PSG3: variants seen among roughly 807,000 people sequenced by gnomAD.
The protein encoded by PSG3 is pregnancy specific beta-1-glycoprotein 3, also known as pregnancy-specific beta-1-glycoprotein 3.
In PSG3, 61 loss-of-function variants were observed where a neutral mutation model predicts 47.5. The ratio of observed to expected loss-of-function variants is 1.28; its 90% CI spans 1.05 to 1.59. The LOEUF is 1.59. PSG3 is among the 40% of genes most tolerant of loss of function. The pLI, the probability that PSG3 is intolerant of heterozygous loss-of-function variation, is 0.00. For missense variants in PSG3, 756 were observed against 524.0 expected (o/e 1.44, Z -4.32); for synonymous variants, 263 against 198.4 (o/e 1.33, Z -2.74).
At chr19:42,724,630 T>C (rs1969347492) in intron 5 of PSG3, among the ~76,000 whole-genome samples, 1 of 152,152 alleles carries the variant, frequency 6.6e-6, no homozygotes, top group Non-Finnish European at 1.5e-5. Context: ...TCTTTCTTTT[T>C]CACAGGAATC....
At chr19:42,731,446 G>C (rs1488580350) in intron 3 of PSG3, among the ~76,000 whole-genome samples, 2 of 152,090 alleles carry the variant, frequency 1.3e-5, no homozygotes, top group African/African-American at 2.4e-5. Context: ...TTTCTAGCTT[G>C]GTGATTAGTT....
At chr19:42,740,249 G>A in intron 1 of PSG3, 72 bp downstream of exon 1, 1 of 1,612,366 alleles carries the variant, frequency 6.2e-7, no homozygotes, top group East Asian at 2.2e-5. Flanking sequence ...AACCCCAGGA[G>A]TCTCTCCAGG....
intron 5 of PSG3, among the ~76,000 whole-genome samples, chr19:42,726,823 A>G (rs1969385443): frequency 6.6e-6 from 1 of 152,220 alleles, no homozygotes; most frequent in African/African-American, 2.4e-5. Flanking sequence ...CTCTAAATAG[A>G]CACACAGCTT....
rs1386001825 is a variant in PSG3, at chr19:42,723,935, A to T, written c.*40+7T>A. The T allele has an allele frequency of 1.3e-6, 2 of 1,564,854 alleles. No individual in the cohort carries two copies. Among genetic ancestry groups the T allele is most frequent in the South Asian group, 1.1e-5 (1 of 90,068 alleles). On this transcript the variant is annotated splice_region_variant and intron_variant, in intron 6 of 6. Transcript: ENST00000327495. ...AGGAACCAGGATAAGAGGAAAGGTCATCATACCTGCCAGTCTTCCTGAAAT... is the reference window on the plus strand; with the variant it reads ...AGGAACCAGGATAAGAGGAAAGGTCTTCATACCTGCCAGTCTTCCTGAAAT...
At chr19:42,729,565 C>G (rs909535118) in intron 4 of PSG3, among the ~76,000 whole-genome samples, 188 bp from the exon 5 acceptor site, 1 of 152,202 alleles carries the variant, frequency 6.6e-6, no homozygotes, top group Non-Finnish European at 1.5e-5. Flanking sequence ...CTGTGGGCCC[C>G]AAGTCTCCCA....
At chr19:42,736,254 G>C (rs955423554) in intron 2 of PSG3, among the ~76,000 whole-genome samples, 4 of 152,186 alleles carry the variant, frequency 2.6e-5, no homozygotes, top group African/African-American at 9.7e-5. Flanking sequence ...TGCTCCTATA[G>C]ATAACATCAC....
intron 5 of PSG3, among the ~76,000 whole-genome samples, chr19:42,725,217 A>G (rs1177511827): frequency 2.6e-5 from 4 of 152,198 alleles, no homozygotes; most frequent in Non-Finnish European, 4.4e-5. Context: ...GTATGAAGAA[A>G]GCACTCTTAT....
rs1312780428 is a variant in PSG3 at position 42,731,972 on chromosome 19, G to A, written c.709+812C>T. 4.0e-5 allele frequency: 6 copies of A among 151,694 alleles called. No homozygotes were observed. In the East Asian group the frequency reaches 1.2e-3, roughly 29 times the overall value. The allele number at this position is 151,694 out of a possible 1,614,324, so 9.4% of individuals were successfully genotyped here. ...AAGAATGATCTAGAAAGAGTGAAGG[G>A]GACAGGCAAAAGCTGGTGGTTTTGG... On this transcript the variant is annotated intron_variant, in intron 3 of 6. Coordinates refer to ENST00000327495, the MANE Select transcript of PSG3 (RefSeq NM_021016.4).
At chr19:42,725,053 G>A (rs1969354766) in intron 5 of PSG3, among the ~76,000 whole-genome samples, 1 of 152,080 alleles carries the variant, frequency 6.6e-6, no homozygotes, top group East Asian at 1.9e-4. Flanking sequence ...AACTTTCCTG[G>A]TGTCATATGG....
intron 3 of PSG3, among the ~76,000 whole-genome samples, chr19:42,730,833 G>A (rs1969461308): frequency 6.6e-6 from 1 of 152,220 alleles, no homozygotes; most frequent in South Asian, 2.1e-4. Flanking sequence ...GGCAGGTGAG[G>A]ACCATGTGGA....
At chr19:42,723,433 A>G (rs1408744741) in intron 6 of PSG3, among the ~76,000 whole-genome samples, 1 of 152,218 alleles carries the variant, frequency 6.6e-6, no homozygotes, top group Non-Finnish European at 1.5e-5. Flanking sequence ...GCGGTAAAGG[A>G]AGTGAGAAGG....
intron 6 of PSG3, among the ~76,000 whole-genome samples, chr19:42,723,231 A>T (rs889098621): frequency 3.3e-5 from 5 of 152,320 alleles, no homozygotes; most frequent in Admixed American, 6.5e-5. Context: ...CTAAAGTCTT[A>T]GTTCTCCACG....
At chr19:42,722,166 C>T (rs1183522911) in intron 6 of PSG3, 76 bp from the exon 7 acceptor site, 6 of 403,122 alleles carry the variant, frequency 1.5e-5, no homozygotes, top group Admixed American at 4.4e-5. Context: ...ACACAGCTCA[C>T]AAAATCTAGT....
In PSG3 at chr19:42,738,808, C is replaced by G. The variant is rs1283963055; in HGVS notation, c.346G>C (p.Asp116His). The G allele has an allele frequency of 2.5e-6, 4 of 1,614,130 alleles. No individual in the cohort carries two copies. In the East Asian group the frequency reaches 6.7e-5, roughly 27 times the overall value. ...SLLIQNVTRE[D>H]AGSYTLHIVK... The stretch of plus-strand genomic sequence containing the variant: ...ATGTGTAAGGTGTAGGATCCTGCGT[C>G]CTCCCGGGTGACATTCTGGATCAGC... Residue 116 changes from aspartate to histidine, a missense_variant, in exon 2 of 7, where the codon GAC becomes CAC. Coordinates refer to ENST00000327495, the MANE Select transcript of PSG3 (RefSeq NM_021016.4).
intron 2 of PSG3, among the ~76,000 whole-genome samples, chr19:42,735,714 C>G (rs1031311558): frequency 1.3e-5 from 2 of 152,166 alleles, no homozygotes; most frequent in African/African-American, 4.8e-5. Flanking sequence ...CAGCTTTTTA[C>G]TTAGTGTTAG....
chr19:42,723,153 C>G (rs1343080891), intron 6 of PSG3, among the ~76,000 whole-genome samples: 2 of 152,128 alleles, frequency 1.3e-5, no homozygotes, highest in Non-Finnish European at 2.9e-5. Context: ...AACACATGAA[C>G]TGGTCATCAG....
intron 5 of PSG3, among the ~76,000 whole-genome samples, chr19:42,728,324 T>C (rs1487894153): frequency 6.6e-6 from 1 of 152,222 alleles, no homozygotes; most frequent in Non-Finnish European, 1.5e-5. Context: ...ACTGCCCCTT[T>C]CCTGCCATGC....
Position 42,732,957 on chromosome 19 carries a change from A to G in PSG3, c.536T>C (p.Leu179Pro). Residue 179 changes from leucine to proline, a missense_variant, in exon 3 of 7, where the codon CTG becomes CCG. Physicochemically the swap from Leu to Pro is moderately conservative, Grantham distance 98 (BLOSUM62 -3). Coordinates refer to ENST00000327495, the MANE Select transcript of PSG3 (RefSeq NM_021016.4). ...GAGGCTCTGACCATTCATCCACCAC[A>G]GGTAGCTTGCGTCCGGAGTCTCAGG... ...CDPETPDASYLWWMNGQSLPM... is the reference protein window; with the variant it reads ...CDPETPDASYPWWMNGQSLPM... 1.2e-6 allele frequency: 2 copies of G among 1,614,146 alleles called. No homozygotes were observed. Among genetic ancestry groups the G allele is most frequent in the Non-Finnish European group, 8.5e-7 (1 of 1,180,022 alleles).
intron 2 of PSG3, among the ~76,000 whole-genome samples, chr19:42,738,324 G>A (rs961961990): frequency 3.2e-4 from 49 of 152,192 alleles, no homozygotes; most frequent in African/African-American, 1.1e-3. Flanking sequence ...AAGGATTTAG[G>A]GACATGGTTC....
Sources: gnomAD v4.1 joint callset for allele counts (sites outside exome capture counted in the v4.1 genomes callset) on GRCh38, gnomAD v4.1.1 for gene constraint, MANE v1.5 for transcripts, NCBI Gene and HGNC (gene_info 2026-07-23, HGNC 2026-07-21) for gene names.